Variants in PTCH1 observed in about 807,000 individuals in gnomAD.
PTCH1 encodes patched 1.
In PTCH1, 14 loss-of-function variants were observed where a neutral mutation model predicts 144.6. That is an observed-to-expected ratio of 0.10 (90% CI 0.06 to 0.15). The LOEUF (loss-of-function observed/expected upper bound fraction) is 0.15, where lower values mean the gene tolerates loss of function less well. Among genes scored for constraint, PTCH1 ranks in the 10% least tolerant of loss-of-function variants. The pLI is 1.00. For synonymous variants in PTCH1, 833 were observed against 793.6 expected (o/e 1.05, Z -0.83); for missense variants, 1,623 against 1,948.3 (o/e 0.83, Z 3.14).
In PTCH1 at chr9:95,516,525, G is replaced by C. The variant is rs1314791303; in HGVS notation, c.-54C>G. On this transcript the variant is annotated 5_prime_UTR_variant, in exon 1 of 23. Coordinates refer to the PTCH1 transcript ENST00000430669. ...CGGGTGCCGATGGCGCGGACGCTGG[G>C]CTTGGATTTCACATCAATTCCTTTT... 3.9e-6 allele frequency: 6 copies of C among 1,541,894 alleles called. No homozygotes were observed. In the African/African-American group the frequency reaches 6.9e-5, roughly 18 times the overall value.
At chr9:95,469,765 G>A (rs1408182337) in intron 13 of PTCH1, 48 bp downstream of exon 13, 1 of 1,498,404 alleles carries the variant, frequency 6.7e-7, no homozygotes, top group Non-Finnish European at 9.3e-7. Context: ...TTCTCTCACA[G>A]CACCATTCTG....
rs546940962 is a variant in PTCH1 at position 95,515,514 on chromosome 9, G to T, written c.3+955C>A. Among the ~76,000 whole-genome samples the T allele has an allele frequency of 8.5e-5, 13 of 152,322 alleles. No homozygotes were observed. The South Asian group carries it at 2.7e-3, about 32-fold the overall frequency. On this transcript the variant is annotated intron_variant, in intron 1 of 22. Coordinates refer to the PTCH1 transcript ENST00000430669. ...TGAGAGTGTGCTCATCCACACGCTA[G>T]CATCATTTTAAACATGAACGTACTA...
chr9:95,491,440 C>A (rs1038449830), intron 2 of PTCH1, among the ~76,000 whole-genome samples: 4 of 152,156 alleles, frequency 2.6e-5, no homozygotes, highest in Admixed American at 6.5e-5. Flanking sequence ...CCTTAGCTGA[C>A]AATGTGTGTG....
At chr9:95,482,080 G>C (rs752445903) in intron 4 of PTCH1, 40 bp from the exon 5 acceptor site, 1 of 1,610,298 alleles carries the variant, frequency 6.2e-7, no homozygotes, top group Non-Finnish European at 8.5e-7. Flanking sequence ...GTTAGGTTAA[G>C]GCACACTACT....
chr9:95,482,266 G>A lies in PTCH1; in HGVS notation c.585-63C>T, dbSNP rs2066833. 974 of 1,442,162 alleles carry A rather than the reference G, an allele frequency of 6.8e-4. 5 individuals carry two copies. In the African/African-American group the frequency reaches 0.012, roughly 18 times the overall value. The allele number at this position is 1,442,162 out of a possible 1,614,324, so 89.3% of individuals were successfully genotyped here. Reference sequence around the variant, plus strand: ...GTAATAAGAAAATTAGTGCAAATTCGAAATGATAGAACATATAAAAAGAAC... The same window carrying A: ...GTAATAAGAAAATTAGTGCAAATTCAAAATGATAGAACATATAAAAAGAAC... On this transcript the variant is annotated intron_variant, in intron 3 of 23. Coordinates refer to ENST00000331920, the MANE Select transcript of PTCH1 (RefSeq NM_000264.5).
upstream of PTCH1, among the ~76,000 whole-genome samples, chr9:95,510,745 G>A (rs1319422396): frequency 7.2e-6 from 1 of 138,912 alleles, no homozygotes; most frequent in Non-Finnish European, 1.5e-5. Flanking sequence ...AAAAAAAGAA[G>A]AAAGAAAGGA....
At position 95,443,315 on chromosome 9, in the gene PTCH1, A is replaced by G. The variant is rs781208895; in HGVS notation, c.*3078T>C. 2 of 152,356 alleles carry G rather than the reference A, an allele frequency of 1.3e-5. No individual in the cohort carries two copies. Among genetic ancestry groups the G allele is most frequent in the Non-Finnish European group, 2.9e-5 (2 of 68,038 alleles). 9.4% of individuals were successfully genotyped at this position (152,356 alleles called of 1,614,324 possible). A position where few individuals can be genotyped will look rare whatever the true frequency, so the allele number is the denominator to read the frequency against. On this transcript the variant is annotated 3_prime_UTR_variant, in exon 24 of 24. Coordinates refer to ENST00000331920, the MANE Select transcript of PTCH1 (RefSeq NM_000264.5). ...TAGAGCAAAAAAGAAGAGTGTCACA[A>G]GGTCAGCAAGATGAAACAACAGTTT...
intron 1 of PTCH1, among the ~76,000 whole-genome samples, chr9:95,514,993 G>C (rs73527757): frequency 0.021 from 3,223 of 152,172 alleles, 107 homozygotes; most frequent in African/African-American, 0.071. Flanking sequence ...AAGGAAGCTG[G>C]GTGACAACTG....
rs761887390 is a variant in PTCH1 at position 95,447,104 on chromosome 9, C to A, written c.4152G>T (p.Pro1384=). ...GGTTCCGCCCAGGCCCAGGGACAGG[C>A]GGCGGGTGCACGGCGACAGTCACGG... ...SASVTVAVHP[P]PVPGPGRNPR... The change falls in exon 23 of 24, where the codon CCG becomes CCT. Residue 1384 remains proline, a synonymous_variant. Coordinates refer to ENST00000331920, the MANE Select transcript of PTCH1 (RefSeq NM_000264.5). The A allele has an allele frequency of 6.2e-7, 1 of 1,613,612 alleles. No individual in the cohort carries two copies. Among genetic ancestry groups the A allele is most frequent in the Non-Finnish European group, 8.5e-7 (1 of 1,179,996 alleles).
upstream of PTCH1, among the ~76,000 whole-genome samples, chr9:95,509,759 G>A (rs1457960701): frequency 6.6e-6 from 1 of 152,088 alleles, no homozygotes; most frequent in Non-Finnish European, 1.5e-5. Context: ...TGGGAGGTCC[G>A]GCTCGCATTC....
chr9:95,485,602 C>G (rs1841895857), intron 3 of PTCH1, 83 bp downstream of exon 3: 2 of 1,542,800 alleles, frequency 1.3e-6, no homozygotes, highest in South Asian at 2.3e-5. Flanking sequence ...ACTTCATTTA[C>G]TAAAATAACG....
intron 2 of PTCH1, among the ~76,000 whole-genome samples, chr9:95,503,812 C>T (rs1314010517): frequency 1.7e-5 from 1 of 59,416 alleles, no homozygotes; most frequent in African/African-American, 1.4e-4. Context: ...GTCAGGAGAT[C>T]GAGACCATCC....
chr9:95,482,856 G>C (rs1841659026), intron 3 of PTCH1: 2 of 153,832 alleles, frequency 1.3e-5, no homozygotes, highest in African/African-American at 2.4e-5. Flanking sequence ...AGGACAGCGT[G>C]AAGCCAGGAG....
intron 15 of PTCH1, among the ~76,000 whole-genome samples, chr9:95,463,858 C>G (rs1839764760): frequency 6.6e-6 from 1 of 152,192 alleles, no homozygotes; most frequent in African/African-American, 2.4e-5. Context: ...TGGAGCCACT[C>G]ACTGGCCTAC....
Position 95,477,642 on chromosome 9 carries a change from C to G in PTCH1, c.1408G>C (p.Gly470Arg). 3 of 1,614,206 alleles carry G rather than the reference C, an allele frequency of 1.9e-6. No individual in the cohort carries two copies. Among genetic ancestry groups the G allele is most frequent in the Non-Finnish European group, 2.5e-6 (3 of 1,180,038 alleles). Residue 470 changes from glycine to arginine, a missense_variant, in exon 10 of 24, where the codon GGG becomes CGG. Coordinates refer to ENST00000331920, the MANE Select transcript of PTCH1 (RefSeq NM_000264.5). ...WDCSKSQGAV[G>R]LAGVLLVALS... is the part of the protein sequence containing the mutation. ...GCAACCAGCAGGACGCCAGCCAGCC[C>G]CACGGCACCCTGGGACTTGGAGCAG...
At chr9:95,492,852 T>C (rs1842519510) in intron 2 of PTCH1, among the ~76,000 whole-genome samples, 1 of 152,056 alleles carries the variant, frequency 6.6e-6, no homozygotes, top group African/African-American at 2.4e-5. Context: ...TGGGTCACAG[T>C]GGACAGGCCT....
intron 12 of PTCH1, among the ~76,000 whole-genome samples, chr9:95,470,906 C>G (rs963718201): frequency 6.6e-6 from 1 of 152,084 alleles, no homozygotes; most frequent in Non-Finnish European, 1.5e-5. Context: ...ACGGTGAAAC[C>G]CCGTCTCTAC....
chr9:95,491,351 G>A (rs1842394665), intron 2 of PTCH1, among the ~76,000 whole-genome samples: 1 of 152,204 alleles, frequency 6.6e-6, no homozygotes, highest in African/African-American at 2.4e-5. Context: ...TGACACAGCT[G>A]AGCCTCAGCC....
At chr9:95,482,401 T>C in intron 3 of PTCH1, 198 bp from the exon 4 acceptor site, 1 of 606,892 alleles carries the variant, frequency 1.6e-6, no homozygotes, top group Non-Finnish European at 2.9e-6. Context: ...GTAATTAACA[T>C]GTAGGGTGTT....
Sources: allele counts gnomAD v4.1 joint callset (sites outside exome capture counted in the v4.1 genomes callset), GRCh38; gene constraint gnomAD v4.1.1; transcripts MANE v1.5; gene names NCBI Gene and HGNC (gene_info 2026-07-23, HGNC 2026-07-21).